Variants in SLC4A1AP observed in about 807,000 individuals in gnomAD.
SLC4A1AP encodes the protein solute carrier family 4 member 1 adaptor protein, also known as kanadaptin.
A neutral mutation model predicts 89.7 loss-of-function variants in SLC4A1AP; 64 were observed. The ratio of observed to expected loss-of-function variants is 0.71; its 90% CI spans 0.58 to 0.88. SLC4A1AP has a LOEUF of 0.88. Among genes scored for constraint, SLC4A1AP ranks in the 40% least tolerant of loss-of-function variants. The pLI, the probability that SLC4A1AP is intolerant of heterozygous loss-of-function variation, is 0.00. For synonymous variants in SLC4A1AP, 366 were observed against 353.3 expected (o/e 1.04, Z -0.40); for missense variants, 931 against 965.0 (o/e 0.96, Z 0.47).
chr2:27,683,183 A>G (rs967322364), intron 9 of SLC4A1AP, among the ~76,000 whole-genome samples: 20 of 152,370 alleles, frequency 1.3e-4, no homozygotes, highest in African/African-American at 4.8e-4. Context: ...CTAAGCTGGT[A>G]ATCAGATCCA....
chr2:27,685,245 A>G (rs747913336), exon 10 of SLC4A1AP: 43 of 1,611,662 alleles, frequency 2.7e-5, no homozygotes, highest in Non-Finnish European at 3.6e-5. Context: ...CCTCCCACAG[A>G]TCTCACACAT....
Position 27,668,919 on chromosome 2 carries a change from A to T in SLC4A1AP, c.1205+16A>T, listed in dbSNP as rs1361257804. Reference sequence around the variant, plus strand: ...GCAGGGTGAGGTATGCTCTTTTCTTATTAATGTTCTTTTCTGGAAAATGGC... The same window carrying T: ...GCAGGGTGAGGTATGCTCTTTTCTTTTTAATGTTCTTTTCTGGAAAATGGC... On this transcript the variant is annotated intron_variant, in intron 4 of 13. Coordinates refer to ENST00000613058, the Ensembl canonical transcript of SLC4A1AP. The T allele has an allele frequency of 1.2e-6, 2 of 1,611,688 alleles. No individual in the cohort carries two copies. The highest frequency in any genetic ancestry group is 1.7e-6 in the Non-Finnish European group (2 of 1,178,568).
At chr2:27,688,854 A>G in intron 12 of SLC4A1AP, 87 bp downstream of exon 12, 1 of 1,002,452 alleles carries the variant, frequency 1.0e-6, no homozygotes, top group Non-Finnish European at 1.5e-6. Flanking sequence ...GACTGACTTA[A>G]CAGAGTTCCC....
intron 5 of SLC4A1AP, among the ~76,000 whole-genome samples, chr2:27,672,833 C>T (rs1173929439): frequency 6.6e-6 from 1 of 152,154 alleles, no homozygotes; most frequent in East Asian, 1.9e-4. Context: ...GAGCGAGATT[C>T]CCCAGAGAGT....
At chr2:27,664,754 T>A (rs1363653206) in intron 1 of SLC4A1AP, among the ~76,000 whole-genome samples, 177 bp downstream of exon 1, 1 of 152,220 alleles carries the variant, frequency 6.6e-6, no homozygotes, top group African/African-American at 2.4e-5. Context: ...GAAAGTCATG[T>A]TCACAATCCC....
intron 5 of SLC4A1AP, among the ~76,000 whole-genome samples, chr2:27,670,297 C>T (rs759604482): frequency 1.1e-4 from 16 of 151,946 alleles, no homozygotes; most frequent in Admixed American, 6.5e-5. Flanking sequence ...TGCGCCTGGC[C>T]GTATCACGAA....
In SLC4A1AP at chr2:27,664,135, TTAGGAGTC is replaced by T; in HGVS notation, c.386_393del (p.Arg129ThrfsTer51). ...CCTCCTCAGCCGGACTGCGGTGATT[TTAGGAGTC>T]TACAGGAGGAGCAGTCGCGCCCCCC... is the stretch of plus-strand genomic sequence containing the variant. On this transcript the variant is annotated frameshift_variant, in exon 1 of 14. Transcript: ENST00000613058. LOFTEE classifies it high-confidence loss of function. 6.2e-7 allele frequency: 1 copy of T among 1,614,138 alleles called. No homozygotes were observed. The highest frequency in any genetic ancestry group is 8.5e-7 in the Non-Finnish European group (1 of 1,180,030).
chr2:27,671,199 G>T (rs1675423567), intron 5 of SLC4A1AP, among the ~76,000 whole-genome samples: 1 of 152,016 alleles, frequency 6.6e-6, no homozygotes, highest in African/African-American at 2.4e-5. Context: ...GGGATTACAG[G>T]CGTGAGCCAC....
intron 9 of SLC4A1AP, among the ~76,000 whole-genome samples, chr2:27,682,760 G>A (rs953246392): frequency 1.3e-5 from 2 of 152,118 alleles, no homozygotes; most frequent in Non-Finnish European, 2.9e-5. Flanking sequence ...TTGACCTCGT[G>A]ATCCACCTGC....
At chr2:27,680,285 T>C (rs952486952) in intron 8 of SLC4A1AP, among the ~76,000 whole-genome samples, 1 of 152,172 alleles carries the variant, frequency 6.6e-6, no homozygotes, top group Admixed American at 6.5e-5. Flanking sequence ...TTTCACAGTA[T>C]ATGTGCTTTA....
chr2:27,679,113 T>A (rs1382652604), intron 8 of SLC4A1AP, among the ~76,000 whole-genome samples: 1 of 152,198 alleles, frequency 6.6e-6, no homozygotes, highest in Non-Finnish European at 1.5e-5. Flanking sequence ...TATATTGTCA[T>A]TGAAGGACAA....
chr2:27,677,180 C>T, intron 6 of SLC4A1AP, 115 bp from the exon 7 acceptor site: 1 of 760,244 alleles, frequency 1.3e-6, no homozygotes, highest in Non-Finnish European at 2.3e-6. Flanking sequence ...AGCAGTTTAA[C>T]TGGACTTTTG....
intron 13 of SLC4A1AP, 121 bp downstream of exon 13, chr2:27,693,875 C>A: frequency 1.6e-6 from 1 of 629,316 alleles, no homozygotes; most frequent in Admixed American, 3.7e-5. Context: ...ATTTGTATAC[C>A]ATGTTTGGAT....
In SLC4A1AP at chr2:27,677,329, C is replaced by G. The variant is rs1675540212; in HGVS notation, c.1541C>G (p.Ser514Cys). 3.7e-6 allele frequency: 6 copies of G among 1,613,356 alleles called. No individual in the cohort carries two copies. The South Asian group carries it at 6.6e-5, about 18-fold the overall frequency. The stretch of plus-strand genomic sequence containing the variant: ...TTAAATGATGCTGAAAGGGAACTTT[C>G]TGAAATTTCTGAGAGATTGAAAGCC... Residue 514 changes from serine (S) to cysteine (C), a missense_variant, in exon 7 of 14, where the codon TCT becomes TGT. Coordinates refer to ENST00000613058, the Ensembl canonical transcript of SLC4A1AP.
At chr2:27,694,339 A>C (rs1259580691) in intron 13 of SLC4A1AP, among the ~76,000 whole-genome samples, 1 of 152,182 alleles carries the variant, frequency 6.6e-6, no homozygotes, top group Non-Finnish European at 1.5e-5. Context: ...ACACCCTTAA[A>C]GCAATGTATG....
intron 1 of SLC4A1AP, among the ~76,000 whole-genome samples, 166 bp from the exon 2 acceptor site, chr2:27,664,934 A>G (rs962491914): frequency 2.0e-5 from 3 of 151,580 alleles, no homozygotes; most frequent in Non-Finnish European, 2.9e-5. Flanking sequence ...GCCAGGCATC[A>G]TGGTCCCAGC....
intron 5 of SLC4A1AP, among the ~76,000 whole-genome samples, chr2:27,674,667 G>A (rs1162618960): frequency 6.8e-6 from 1 of 147,254 alleles, no homozygotes; most frequent in East Asian, 2.0e-4. Flanking sequence ...TTTCTTTTGG[G>A]TTATTGTCCT....
intron 9 of SLC4A1AP, 114 bp from the exon 10 acceptor site, chr2:27,684,923 C>A: frequency 7.9e-7 from 1 of 1,262,774 alleles, no homozygotes; most frequent in Non-Finnish European, 1.1e-6. Context: ...CTGTGGAGTT[C>A]ATCAACCTAA....
At chr2:27,690,963 G>A (rs377598873) in intron 12 of SLC4A1AP, among the ~76,000 whole-genome samples, 7 of 152,020 alleles carry the variant, frequency 4.6e-5, no homozygotes, top group African/African-American at 1.2e-4. Context: ...GGATTTTTGC[G>A]TCTGTGTTCA....
Sources: allele counts gnomAD v4.1 joint callset (sites outside exome capture counted in the v4.1 genomes callset), GRCh38; gene constraint gnomAD v4.1.1; transcripts MANE v1.5; gene names NCBI Gene and HGNC (gene_info 2026-07-23, HGNC 2026-07-21).